Variants in PRRC2C observed in about 807,000 individuals in gnomAD.
PRRC2C encodes proline rich coiled-coil 2C.
A neutral mutation model predicts 317.2 loss-of-function variants in PRRC2C; 72 were observed. The ratio of observed to expected loss-of-function variants is 0.23; its 90% CI spans 0.19 to 0.28. The LOEUF (loss-of-function observed/expected upper bound fraction) is 0.28. PRRC2C is among the 10% of genes least tolerant of loss of function. The pLI is 1.00. For synonymous variants in PRRC2C, 1,296 were observed against 1,205.9 expected (o/e 1.07, Z -1.55); for missense variants, 3,074 against 3,459.7 (o/e 0.89, Z 2.80).
At chr1:171,535,065 A>G (rs762926125) in intron 12 of PRRC2C, among the ~76,000 whole-genome samples, 1 of 152,180 alleles carries the variant, frequency 6.6e-6, no homozygotes, top group Non-Finnish European at 1.5e-5. Flanking sequence ...GTTTTCATGT[A>G]GATTTTAATG....
chr1:171,585,226 G>T (rs930131330), intron 30 of PRRC2C, among the ~76,000 whole-genome samples: 2 of 152,166 alleles, frequency 1.3e-5, no homozygotes, highest in Non-Finnish European at 2.9e-5. Context: ...TGTGATACAG[G>T]TGGTTTACCC....
At chr1:171,550,056 AAT>A (rs1557979598) in intron 17 of PRRC2C, 28 bp from the exon 18 acceptor site, 4 of 1,522,848 alleles carry the variant, frequency 2.6e-6, no homozygotes, top group Non-Finnish European at 3.5e-6. Flanking sequence ...AAAAACAGAA[AAT>A]ATCTTAAATC....
intron 10 of PRRC2C, among the ~76,000 whole-genome samples, chr1:171,527,397 T>C (rs1674835888): frequency 6.6e-6 from 1 of 151,862 alleles, no homozygotes; most frequent in South Asian, 2.1e-4. Flanking sequence ...CCTCCCAAAG[T>C]GCTGGGATTA....
chr1:171,510,635 A>G (rs1671189469), intron 1 of PRRC2C: 1 of 152,222 alleles, frequency 6.6e-6, no homozygotes, highest in South Asian at 2.1e-4. Flanking sequence ...ATTCTTCTAC[A>G]TATAGTAGCA....
At chr1:171,508,944 T>C (rs939677874) in intron 1 of PRRC2C, among the ~76,000 whole-genome samples, 20 of 152,152 alleles carry the variant, frequency 1.3e-4, no homozygotes, top group Admixed American at 1.2e-3. Context: ...TGGAGTGCAG[T>C]GGCATGATCT....
chr1:171,514,981 C>T (rs971392057), intron 4 of PRRC2C, among the ~76,000 whole-genome samples: 92 of 152,194 alleles, frequency 6.0e-4, no homozygotes, highest in African/African-American at 2.0e-3. Flanking sequence ...ACTCATTTTT[C>T]ATCTATGTCC....
chr1:171,540,426 A>C lies in PRRC2C; in HGVS notation c.2960A>C (p.Tyr987Ser). Residue 987 changes from tyrosine (Y) to serine (S), a missense_variant, in exon 16 of 35, where the codon TAT becomes TCT. Physicochemically the swap from Tyr to Ser is moderately radical, Grantham distance 144. Transcript: ENST00000647382. ...GAAGGACCAAAACCTGAAAAAGTAT[A>C]TAAATCTAAATCAGAAACTCGTTGG... The part of the protein sequence containing the change: ...SSEGPKPEKV[Y>S]KSKSETRWGP... The C allele has an allele frequency of 6.2e-7, 1 of 1,612,994 alleles. No homozygotes were observed. Among genetic ancestry groups the C allele is most frequent in the Non-Finnish European group, 8.5e-7 (1 of 1,179,466 alleles).
At chr1:171,548,741 ATAAGT>A (rs1679633317) in intron 17 of PRRC2C, among the ~76,000 whole-genome samples, 2 of 152,270 alleles carry the variant, frequency 1.3e-5, no homozygotes, top group Admixed American at 1.3e-4. Context: ...TAGTTGGAAA[ATAAGT>A]TAAAAAATGA....
rs189404878 is a variant in PRRC2C, at chr1:171,541,086, G to T, written c.3620G>T (p.Gly1207Val). 1.8e-5 allele frequency: 29 copies of T among 1,613,844 alleles called. No individual in the cohort carries two copies. The Admixed American group carries it at 2.2e-4, about 12-fold the overall frequency. ...SRGRSYRGSY[G>V]GRGRGGRGHT... ...GGTCGAAGCTATAGAGGTTCTTATG[G>T]AGGGCGTGGCAGGGGTGGTAGGGGA... is the stretch of plus-strand genomic sequence containing the variant. The change falls in exon 16 of 35, where the codon GGA becomes GTA. Residue 1207 changes from glycine (G) to valine (V), a missense_variant. Around this residue, in one of 11 missense-constraint regions of PRRC2C, gnomAD observed 1,320 missense variants for 1,395.7 expected, o/e 0.95. Coordinates refer to ENST00000647382, the MANE Select transcript of PRRC2C (RefSeq NM_001387844.1). This position sits in a 1 kb window ranked among gnomAD's most constrained non-coding sequence, Gnocchi z 4.1.
chr1:171,527,714 C>G, intron 10 of PRRC2C, 77 bp from the exon 11 acceptor site: 1 of 1,242,648 alleles, frequency 8.0e-7, no homozygotes, highest in Non-Finnish European at 1.1e-6. Flanking sequence ...CAAGATCATG[C>G]CACTGCACTC....
chr1:171,509,677 C>T (rs970150767), intron 1 of PRRC2C: 7 of 151,734 alleles, frequency 4.6e-5, no homozygotes, highest in Admixed American at 3.9e-4. Flanking sequence ...TAGGTCTTAA[C>T]ATTTTTGTAA....
At chr1:171,513,420 G>GGCTCCCCGCTTTCATACTACCAC (rs1413065324) in intron 3 of PRRC2C, 3 of 576,408 alleles carry the variant, frequency 5.2e-6, no homozygotes, top group Non-Finnish European at 9.8e-6. Context: ...GCCTTTATTA[G>GGCTCCCCGCTTTCATACTACCAC]GCTCCCCGCT....
intron 22 of PRRC2C, 116 bp downstream of exon 22, chr1:171,566,959 TTATTTCCGCAAA>T: frequency 2.6e-6 from 3 of 1,141,978 alleles, no homozygotes; most frequent in Non-Finnish European, 3.5e-6. Context: ...ACTCTATAGA[TTATTTCCGCAAA>T]GAAGATTTTG....
At chr1:171,501,717 G>C (rs1219466781) in intron 1 of PRRC2C, among the ~76,000 whole-genome samples, 1 of 152,166 alleles carries the variant, frequency 6.6e-6, no homozygotes, top group African/African-American at 2.4e-5. Flanking sequence ...TAGGTAGAGG[G>C]TATACTTATT....
chr1:171,559,376 C>T lies in PRRC2C; in HGVS notation c.6031+1233C>T, dbSNP rs117839569. Among the ~76,000 whole-genome samples the T allele has an allele frequency of 6.6e-4, 100 of 152,196 alleles. No homozygotes were observed. The East Asian group carries it at 0.018, about 27-fold the overall frequency. On this transcript the variant is annotated intron_variant, in intron 19 of 34. Transcript: ENST00000647382. Reference sequence around the variant, plus strand: ...TATCTGATGACTTGAAGCTGAAGCCCCTGCTCATTTACCATGTTTGAAATC... The same window carrying T: ...TATCTGATGACTTGAAGCTGAAGCCTCTGCTCATTTACCATGTTTGAAATC...
In PRRC2C at chr1:171,540,533, C is replaced by T. The variant is rs1297731779; in HGVS notation, c.3067C>T (p.Leu1023Phe). The change falls in exon 16 of 35, where the codon CTT becomes TTT. Residue 1023 changes from leucine to phenylalanine, a missense_variant. By Grantham distance (22) the Leu-to-Phe change is conservative. Coordinates refer to ENST00000647382, the MANE Select transcript of PRRC2C (RefSeq NM_001387844.1). ...RRSGPIKKPV[L>F]RDMKEEREQR... ...ATCAGGTCCCATTAAAAAACCTGTACTTAGAGATATGAAAGAGGAACGGGA... is the reference window on the plus strand; with the variant it reads ...ATCAGGTCCCATTAAAAAACCTGTATTTAGAGATATGAAAGAGGAACGGGA... 1.9e-6 allele frequency: 3 copies of T among 1,613,298 alleles called. No individual in the cohort carries two copies. Among genetic ancestry groups the T allele is most frequent in the African/African-American group, 2.7e-5 (2 of 74,754 alleles).
chr1:171,524,279 G>A (rs901485775), intron 9 of PRRC2C, among the ~76,000 whole-genome samples: 6 of 152,174 alleles, frequency 3.9e-5, no homozygotes, highest in South Asian at 4.1e-4. Flanking sequence ...TGGAATATTG[G>A]AGCACCAGTC....
chr1:171,523,519 A>C lies in PRRC2C; in HGVS notation c.1052A>C (p.Asn351Thr). ...EQGSNSPKEN[N>T]SEDQGSKASE... ...GGAAGTAACAGTCCTAAAGAGAATAACAGGTAAGTTGTGATATCTTTTACT... is the reference window on the plus strand; with the variant it reads ...GGAAGTAACAGTCCTAAAGAGAATACCAGGTAAGTTGTGATATCTTTTACT... The change falls in exon 9 of 35, where the codon AAC (asparagine) becomes ACC (threonine). Residue 351 changes from asparagine to threonine, a missense_variant. By Grantham distance (65) the Asn-to-Thr change is moderately conservative (BLOSUM62 0). Transcript: ENST00000647382. 1.2e-6 allele frequency: 2 copies of C among 1,606,014 alleles called. No homozygotes were observed. Among genetic ancestry groups the C allele is most frequent in the Non-Finnish European group, 1.7e-6 (2 of 1,174,942 alleles).
intron 1 of PRRC2C, among the ~76,000 whole-genome samples, chr1:171,501,090 G>T (rs1234782232): frequency 6.6e-6 from 1 of 151,616 alleles, no homozygotes; most frequent in Non-Finnish European, 1.5e-5. Flanking sequence ...TAGAGACAGG[G>T]TCTCACTACC....
Sources: allele counts gnomAD v4.1 joint callset (sites outside exome capture counted in the v4.1 genomes callset), GRCh38; gene constraint gnomAD v4.1.1; regional missense constraint gnomAD v4.1.1; non-coding constraint Gnocchi (gnomAD v3.1); transcripts MANE v1.5; gene names NCBI Gene and HGNC (gene_info 2026-07-23, HGNC 2026-07-21).